NKAIN3: variants seen among roughly 807,000 people sequenced by gnomAD.
NKAIN3 encodes the protein sodium/potassium-transporting ATPase subunit beta-1-interacting protein 3.
In NKAIN3, 25 loss-of-function variants were observed where a neutral mutation model predicts 30.2. That is an observed-to-expected ratio of 0.83 (90% CI 0.60 to 1.16). The LOEUF (loss-of-function observed/expected upper bound fraction) is 1.16. NKAIN3 is among the 50% of genes most tolerant of loss of function. The pLI, the probability that NKAIN3 is intolerant of heterozygous loss-of-function variation, is 0.00. For synonymous variants in NKAIN3, 91 were observed against 89.6 expected (o/e 1.02, Z -0.09); for missense variants, 225 against 254.1 (o/e 0.89, Z 0.78).
At chr8:62,286,709 G>A (rs1284679592) in intron 1 of NKAIN3, among the ~76,000 whole-genome samples, 3 of 152,050 alleles carry the variant, frequency 2.0e-5, no homozygotes, top group African/African-American at 7.2e-5. Flanking sequence ...ACATGAAGAG[G>A]CAAAGGTGAC....
At chr8:62,699,603 A>G (rs1185744810) in intron 3 of NKAIN3, among the ~76,000 whole-genome samples, 5 of 152,196 alleles carry the variant, frequency 3.3e-5, no homozygotes, top group Non-Finnish European at 5.9e-5. Flanking sequence ...GTTGAACTTA[A>G]GATCTTCAAA....
At chr8:62,955,179 C>T (rs938560807) in intron 6 of NKAIN3, among the ~76,000 whole-genome samples, 2 of 152,154 alleles carry the variant, frequency 1.3e-5, no homozygotes, top group South Asian at 4.1e-4. Flanking sequence ...CTAAAGTAAA[C>T]ATAGCTCACA....
At chr8:62,445,554 A>G (rs73261467) in intron 1 of NKAIN3, among the ~76,000 whole-genome samples, 1,566 of 152,200 alleles carry the variant, frequency 0.01, 26 homozygotes, top group African/African-American at 0.035. Context: ...TACTTCTTAT[A>G]TTATACAGTT....
At chr8:62,386,790 C>T (rs1001738083) in intron 1 of NKAIN3, among the ~76,000 whole-genome samples, 2 of 152,094 alleles carry the variant, frequency 1.3e-5, no homozygotes, top group African/African-American at 4.8e-5. Context: ...AGCAAGTTAT[C>T]TTACCTTTCT....
intron 4 of NKAIN3, among the ~76,000 whole-genome samples, chr8:62,897,246 C>G (rs1200612718): frequency 6.6e-6 from 1 of 152,074 alleles, no homozygotes; most frequent in African/African-American, 2.4e-5. Flanking sequence ...CATTGGTTCA[C>G]CTAAATAGTC....
intron 4 of NKAIN3, among the ~76,000 whole-genome samples, chr8:62,775,522 T>C (rs554927316): frequency 1.3e-5 from 2 of 152,226 alleles, no homozygotes; most frequent in South Asian, 2.1e-4. Context: ...TTTTTCTACA[T>C]GTTTCATGTA....
intron 2 of NKAIN3, among the ~76,000 whole-genome samples, chr8:62,583,778 A>G (rs1281054236): frequency 2.0e-5 from 3 of 152,194 alleles, no homozygotes; most frequent in South Asian, 2.1e-4. Flanking sequence ...CCTACCTCCC[A>G]GTCAGATATT....
intron 1 of NKAIN3, among the ~76,000 whole-genome samples, chr8:62,478,717 C>T (rs1057269709): frequency 6.6e-6 from 1 of 152,114 alleles, no homozygotes; most frequent in Non-Finnish European, 1.5e-5. Flanking sequence ...ATATTTATTT[C>T]CTGAGCCATA....
intron 4 of NKAIN3, among the ~76,000 whole-genome samples, chr8:62,868,738 G>A (rs1210142359): frequency 6.6e-6 from 1 of 152,164 alleles, no homozygotes; most frequent in Non-Finnish European, 1.5e-5. Context: ...TATAAACCCT[G>A]ATAAGCTCAG....
At chr8:62,608,585 G>A (rs1365818131) in intron 3 of NKAIN3, among the ~76,000 whole-genome samples, 1 of 152,080 alleles carries the variant, frequency 6.6e-6, no homozygotes, top group Non-Finnish European at 1.5e-5. Flanking sequence ...ATGAGAGTTT[G>A]GGAAGCATAG....
intron 4 of NKAIN3, among the ~76,000 whole-genome samples, chr8:62,833,021 A>G (rs769429566): frequency 1.3e-5 from 2 of 152,204 alleles, no homozygotes; most frequent in South Asian, 2.1e-4. Context: ...AAAAATAGCA[A>G]TCAATACCAA....
chr8:62,787,853 G>A (rs866789799), intron 4 of NKAIN3, among the ~76,000 whole-genome samples: 1 of 125,404 alleles, frequency 8.0e-6, no homozygotes, highest in African/African-American at 3.0e-5. Flanking sequence ...TACAAAGGAT[G>A]GGAACTCATC....
At chr8:62,533,343 G>C (rs571107173) in intron 1 of NKAIN3, among the ~76,000 whole-genome samples, 1 of 152,356 alleles carries the variant, frequency 6.6e-6, no homozygotes, top group Admixed American at 6.5e-5. Flanking sequence ...TAATCTTATA[G>C]AATGGCCCAG....
intron 1 of NKAIN3, among the ~76,000 whole-genome samples, chr8:62,281,988 A>G (rs906800861): frequency 8.8e-5 from 10 of 113,534 alleles, no homozygotes; most frequent in Middle Eastern, 4.5e-3. Context: ...TCCTCCCTCA[A>G]GTTATCTTTT....
At chr8:62,842,609 G>A (rs1042049759) in intron 4 of NKAIN3, among the ~76,000 whole-genome samples, 4 of 152,008 alleles carry the variant, frequency 2.6e-5, no homozygotes, top group Non-Finnish European at 5.9e-5. Context: ...ATTTCAAAAT[G>A]TTTTATAAAA....
chr8:62,417,588 A>G (rs1804488873), intron 1 of NKAIN3, among the ~76,000 whole-genome samples: 1 of 152,200 alleles, frequency 6.6e-6, no homozygotes, highest in Non-Finnish European at 1.5e-5. Context: ...TCTTCCTACC[A>G]ACAGTATACA....
chr8:62,705,735 T>C (rs953908446), intron 3 of NKAIN3, among the ~76,000 whole-genome samples: 1 of 152,180 alleles, frequency 6.6e-6, no homozygotes, highest in Non-Finnish European at 1.5e-5. Context: ...TGTGCACTTA[T>C]GTTTCTGATA....
At chr8:62,445,104 C>G (rs190338690) in intron 1 of NKAIN3, among the ~76,000 whole-genome samples, 1 of 151,998 alleles carries the variant, frequency 6.6e-6, no homozygotes. Context: ...CACCACCATG[C>G]CCAGGTAATT....
intron 1 of NKAIN3, among the ~76,000 whole-genome samples, chr8:62,513,128 G>A (rs148136767): frequency 6.4e-4 from 98 of 151,938 alleles, no homozygotes; most frequent in African/African-American, 2.3e-3. Flanking sequence ...ACAATTATTG[G>A]GAAAAATAAC....
Sources: allele counts gnomAD v4.1 joint callset (sites outside exome capture counted in the v4.1 genomes callset), GRCh38; gene constraint gnomAD v4.1.1; transcripts MANE v1.5; gene names NCBI Gene and HGNC (gene_info 2026-07-23, HGNC 2026-07-21).